The following ESRRB variants were observed in gnomAD, a reference collection of about 807,000 sequenced individuals.
ESRRB encodes steroid hormone receptor ERR2.
Under a neutral mutation model 46.0 loss-of-function variants are expected in ESRRB, and 16 were observed. That is an observed-to-expected ratio of 0.35 (90% CI 0.24 to 0.53). ESRRB has a LOEUF of 0.53. Ranked by LOEUF, ESRRB falls within the 20% of genes least tolerant of loss-of-function variation. The pLI is 0.93. For missense variants in ESRRB, 488 were observed against 607.4 expected, an observed-to-expected ratio of 0.80 and a Z score of 2.07; for synonymous variants, 246 against 259.6, an observed-to-expected ratio of 0.95 and a Z score of 0.50.
intron 1 of ESRRB, among the ~76,000 whole-genome samples, chr14:76,358,529 A>G (rs1343912778): frequency 6.6e-6 from 1 of 151,938 alleles, no homozygotes; most frequent in Non-Finnish European, 1.5e-5. Context: ...GTACATAGAT[A>G]TGTTCATTTA....
intron 5 of ESRRB, among the ~76,000 whole-genome samples, chr14:76,489,480 C>CACACA (rs1890138576): frequency 1.1e-4 from 16 of 150,820 alleles, no homozygotes; most frequent in Non-Finnish European, 2.2e-4. Flanking sequence ...CACACACACA[C>CACACA]CCTGATCCCC....
chr14:76,429,790 T>C (rs1887360631), intron 1 of ESRRB, among the ~76,000 whole-genome samples: 1 of 152,090 alleles, frequency 6.6e-6, no homozygotes, highest in Non-Finnish European at 1.5e-5. Flanking sequence ...AAATAGGCAG[T>C]TCAGATTACT....
chr14:76,429,256 A>G (rs964188041), intron 1 of ESRRB, among the ~76,000 whole-genome samples: 1 of 152,172 alleles, frequency 6.6e-6, no homozygotes, highest in African/African-American at 2.4e-5. Context: ...TGAGCAAGTC[A>G]TTAGTTTCTT....
At chr14:76,326,119 C>T (rs1366063606) in intron 1 of ESRRB, among the ~76,000 whole-genome samples, 1 of 152,238 alleles carries the variant, frequency 6.6e-6, no homozygotes, top group Non-Finnish European at 1.5e-5. Context: ...TCTCTCTGTG[C>T]CAGCCTGAGT....
chr14:76,498,906 A>G lies in ESRRB; in HGVS notation c.*448A>G, dbSNP rs1427085533. 1.9e-6 allele frequency: 1 copy of G among 530,338 alleles called. No individual in the cohort carries two copies. Among genetic ancestry groups the G allele is most frequent in the East Asian group, 5.5e-5 (1 of 18,310 alleles). 32.9% of individuals were successfully genotyped at this position (530,338 alleles called of 1,614,324 possible). ...CCACCTGGAGGTTTTCCTTCCGCAG[A>G]GGGCAGGTACGCAAGGGACAACAGT... On this transcript the variant is annotated 3_prime_UTR_variant, in exon 7 of 7. Transcript: ENST00000644823.
intron 3 of ESRRB, among the ~76,000 whole-genome samples, chr14:76,463,613 A>G (rs952638708): frequency 1.3e-5 from 2 of 151,128 alleles, no homozygotes; most frequent in South Asian, 4.2e-4. Context: ...CGCCCGGCTA[A>G]TTTTTTTGTA....
chr14:76,429,833 T>G (rs911039221), intron 1 of ESRRB, among the ~76,000 whole-genome samples: 2 of 151,648 alleles, frequency 1.3e-5, no homozygotes, highest in African/African-American at 4.9e-5. Context: ...TGATGAAAAA[T>G]CTGAGTTTAA....
chr14:76,479,059 C>T (rs530971799), intron 3 of ESRRB, among the ~76,000 whole-genome samples: 3 of 152,182 alleles, frequency 2.0e-5, no homozygotes, highest in East Asian at 1.9e-4. Context: ...CTCTGTTGTC[C>T]GTGCAAATCA....
intron 1 of ESRRB, chr14:76,407,402 C>T (rs1420999870): frequency 3.8e-6 from 1 of 263,448 alleles, no homozygotes; most frequent in Non-Finnish European, 5.9e-6. Context: ...CGGGGGTTGC[C>T]CCTCTCCATG....
intron 1 of ESRRB, among the ~76,000 whole-genome samples, chr14:76,347,438 A>AGACCATGTGTGTCTAATTCACTGTTCTTT (rs879285347): frequency 7.6e-5 from 4 of 52,846 alleles, no homozygotes; most frequent in African/African-American, 1.4e-4. Flanking sequence ...TGTGTGTCAC[A>AGACCATGTGTGTCTAATTCACTGTTCTTT]CACACACACC....
chr14:76,400,394 A>G (rs939127888), intron 1 of ESRRB, among the ~76,000 whole-genome samples: 8 of 152,224 alleles, frequency 5.3e-5, no homozygotes, highest in Non-Finnish European at 1.0e-4. Context: ...ACCGTTGCAG[A>G]TTTGAACAAA....
At chr14:76,311,034 A>G in intron 1 of ESRRB, 1 of 395,120 alleles carries the variant, frequency 2.5e-6, no homozygotes, top group South Asian at 1.8e-5. Flanking sequence ...GGATAAAAAT[A>G]TCTCCCCATG....
chr14:76,495,867 A>G (rs1275833639), intron 6 of ESRRB, among the ~76,000 whole-genome samples: 2 of 152,214 alleles, frequency 1.3e-5, no homozygotes, highest in Non-Finnish European at 2.9e-5. Flanking sequence ...AAAGTTTCTA[A>G]ATGCTTACTC....
intron 1 of ESRRB, among the ~76,000 whole-genome samples, chr14:76,317,301 G>C (rs1054001754): frequency 2.1e-5 from 3 of 146,106 alleles, no homozygotes; most frequent in African/African-American, 7.8e-5. Context: ...AATTATTGCT[G>C]ATTAGGCTCT....
chr14:76,403,995 A>G (rs959149634), intron 1 of ESRRB, among the ~76,000 whole-genome samples: 10 of 152,200 alleles, frequency 6.6e-5, no homozygotes, highest in Non-Finnish European at 1.5e-5. Context: ...CTGGGATTAC[A>G]GGCGTGAGCC....
At chr14:76,470,784 C>T (rs1331397740) in intron 3 of ESRRB, among the ~76,000 whole-genome samples, 3 of 152,084 alleles carry the variant, frequency 2.0e-5, no homozygotes, top group African/African-American at 7.2e-5. Context: ...AACTATTGGG[C>T]TCAAGAGATC....
intron 1 of ESRRB, among the ~76,000 whole-genome samples, chr14:76,438,592 A>G (rs561804083): frequency 7.3e-5 from 11 of 150,982 alleles, no homozygotes; most frequent in African/African-American, 2.7e-4. Flanking sequence ...TGAACCCAGG[A>G]GGTGGAGGTT....
chr14:76,444,914 G>T (rs556629732), intron 2 of ESRRB, among the ~76,000 whole-genome samples: 78 of 152,260 alleles, frequency 5.1e-4, no homozygotes, highest in Non-Finnish European at 9.6e-4. Flanking sequence ...TGTAATGGTA[G>T]CACTTTGGGA....
intron 1 of ESRRB, among the ~76,000 whole-genome samples, chr14:76,423,444 T>G (rs1426760560): frequency 6.6e-6 from 1 of 152,176 alleles, no homozygotes; most frequent in Non-Finnish European, 1.5e-5. Flanking sequence ...GCGCCATCCT[T>G]TCATAGACTC....
Sources: gnomAD v4.1 joint callset for allele counts (sites outside exome capture counted in the v4.1 genomes callset) on GRCh38, gnomAD v4.1.1 for gene constraint, MANE v1.5 for transcripts, NCBI Gene and HGNC (gene_info 2026-07-23, HGNC 2026-07-21) for gene names.